The following ADCY8 variants were observed in gnomAD, a reference collection of about 807,000 sequenced individuals.
ADCY8 encodes adenylate cyclase 8, also known as adenylate cyclase type 8.
A neutral mutation model predicts 119.7 loss-of-function variants in ADCY8; 51 were observed. The ratio of observed to expected loss-of-function variants is 0.43; its 90% CI spans 0.34 to 0.54. The LOEUF (loss-of-function observed/expected upper bound fraction) is 0.54. Ranked by LOEUF, ADCY8 falls within the 20% of genes least tolerant of loss-of-function variation. The probability of loss-of-function intolerance (pLI) is 0.03; values close to 1 mark genes in which losing one functional copy is unlikely to be tolerated. For missense variants in ADCY8, 1,383 were observed against 1,598.8 expected (o/e 0.87, Z 2.30); for synonymous variants, 665 against 651.0 (o/e 1.02, Z -0.33).
chr8:130,818,145 A>T (rs1299398323), intron 13 of ADCY8, among the ~76,000 whole-genome samples: 4 of 152,254 alleles, frequency 2.6e-5, no homozygotes, highest in Non-Finnish European at 5.9e-5. Flanking sequence ...AACTGTAAGA[A>T]ATGACAGCCC....
At chr8:130,982,462 A>G (rs549003284) in intron 2 of ADCY8, among the ~76,000 whole-genome samples, 5 of 152,336 alleles carry the variant, frequency 3.3e-5, no homozygotes, top group Non-Finnish European at 7.3e-5. Context: ...AGAATTCTTT[A>G]CAGCTGAAAT....
At chr8:130,985,577 G>T (rs1004239586) in intron 2 of ADCY8, among the ~76,000 whole-genome samples, 2 of 152,190 alleles carry the variant, frequency 1.3e-5, no homozygotes, top group Non-Finnish European at 2.9e-5. Flanking sequence ...GACCCATCTA[G>T]TTGGAGCAGA....
intron 8 of ADCY8, among the ~76,000 whole-genome samples, chr8:130,875,685 A>T (rs1041853942): frequency 7.2e-5 from 11 of 152,302 alleles, no homozygotes; most frequent in Non-Finnish European, 1.2e-4. Context: ...AGTTGATGGG[A>T]TGAAGTAAGA....
intron 2 of ADCY8, among the ~76,000 whole-genome samples, chr8:130,954,248 A>C (rs889339017): frequency 3.9e-5 from 6 of 152,248 alleles, no homozygotes; most frequent in Non-Finnish European, 7.3e-5. Context: ...TAGGAAGAGA[A>C]TGGCACAGGA....
chr8:131,029,425 T>C (rs975657545), intron 1 of ADCY8, among the ~76,000 whole-genome samples: 4 of 152,108 alleles, frequency 2.6e-5, no homozygotes, highest in African/African-American at 9.7e-5. Context: ...GCCAAAAAGG[T>C]TGGGGACTGC....
chr8:130,887,320 G>C (rs1266732782), intron 7 of ADCY8, among the ~76,000 whole-genome samples: 2 of 152,110 alleles, frequency 1.3e-5, no homozygotes, highest in African/African-American at 4.8e-5. Context: ...TGTCTATGTG[G>C]TTGCTTCAAA....
At position 131,039,387 on chromosome 8, in the gene ADCY8, A is replaced by C. The variant is rs774306570; in HGVS notation, c.947T>G (p.Ile316Ser). Reference protein sequence around the residue: ...LQVVIPRLAVISINQVVAQAV... With the variant: ...LQVVIPRLAVSSINQVVAQAV... Reference sequence around the variant, plus strand: ...GGCAGGAGTTACCTGGTTGATGGAAATGACCGCCAGCCGGGGTATGACCAC... The same window carrying C: ...GGCAGGAGTTACCTGGTTGATGGAACTGACCGCCAGCCGGGGTATGACCAC... Residue 316 changes from isoleucine (I) to serine (S), a missense_variant, in exon 1 of 18, where the codon ATT becomes AGT. Ile to Ser is a moderately radical substitution (Grantham distance 142). Around this residue, in one of 2 missense-constraint regions of ADCY8, gnomAD observed 455 missense variants for 435.3 expected, o/e 1.05. Transcript: ENST00000286355. The C allele has an allele frequency of 6.2e-7, 1 of 1,612,698 alleles. No homozygotes were observed. Among genetic ancestry groups the C allele is most frequent in the Non-Finnish European group, 8.5e-7 (1 of 1,178,860 alleles).
chr8:130,980,263 G>T (rs1355709157), intron 2 of ADCY8, among the ~76,000 whole-genome samples: 3 of 152,154 alleles, frequency 2.0e-5, no homozygotes, highest in Non-Finnish European at 4.4e-5. Flanking sequence ...GAATAAATCT[G>T]TAAAGATCCT....
intron 3 of ADCY8, among the ~76,000 whole-genome samples, chr8:130,947,576 C>T (rs1373071435): frequency 6.6e-6 from 1 of 152,170 alleles, no homozygotes; most frequent in Non-Finnish European, 1.5e-5. Context: ...GTCTACAGGA[C>T]AGATGTAGTG....
At chr8:131,017,205 G>T (rs970454066) in intron 1 of ADCY8, among the ~76,000 whole-genome samples, 1 of 152,082 alleles carries the variant, frequency 6.6e-6, no homozygotes, top group African/African-American at 2.4e-5. Context: ...TAGTAGCTGG[G>T]ACTACAGGCA....
At chr8:130,998,426 G>A (rs956276443) in intron 1 of ADCY8, among the ~76,000 whole-genome samples, 1 of 152,114 alleles carries the variant, frequency 6.6e-6, no homozygotes, top group African/African-American at 2.4e-5. Flanking sequence ...CCCAGCATGC[G>A]GCCCACTGTG....
intron 13 of ADCY8, among the ~76,000 whole-genome samples, chr8:130,818,426 C>T (rs982102841): frequency 1.3e-5 from 2 of 152,176 alleles, no homozygotes; most frequent in African/African-American, 2.4e-5. Flanking sequence ...GTGGGAGGCA[C>T]CCAGTTGTTT....
At chr8:130,939,088 G>A (rs1303416686) in intron 4 of ADCY8, among the ~76,000 whole-genome samples, 1 of 144,272 alleles carries the variant, frequency 6.9e-6, no homozygotes, top group African/African-American at 2.8e-5. Context: ...GATGTTGTAG[G>A]GTACATTTTT....
intron 1 of ADCY8, among the ~76,000 whole-genome samples, chr8:131,008,922 C>T (rs541554017): frequency 6.6e-6 from 1 of 152,266 alleles, no homozygotes; most frequent in East Asian, 1.9e-4. Context: ...CATTTTGCCC[C>T]TGCCCTAGAG....
intron 15 of ADCY8, among the ~76,000 whole-genome samples, chr8:130,791,504 C>G (rs1254582608): frequency 6.6e-6 from 1 of 152,262 alleles, no homozygotes; most frequent in Non-Finnish European, 1.5e-5. Context: ...CTAGCTCTAG[C>G]CTTCCTCTTA....
At chr8:130,964,929 G>A (rs1051566589) in intron 2 of ADCY8, among the ~76,000 whole-genome samples, 1 of 152,146 alleles carries the variant, frequency 6.6e-6, no homozygotes, top group Admixed American at 6.5e-5. Context: ...GATTAGTGAT[G>A]CTGAGCATTT....
Position 130,884,555 on chromosome 8 carries a change from C to A in ADCY8, c.2109+9G>T, listed in dbSNP as rs1051465962. 8.1e-6 allele frequency: 13 copies of A among 1,613,376 alleles called. No individual in the cohort carries two copies. Among genetic ancestry groups the A allele is most frequent in the Non-Finnish European group, 1.1e-5 (13 of 1,179,732 alleles). On this transcript the variant is annotated intron_variant, in intron 8 of 17. Transcript: ENST00000286355. ...CAGAAAAAGAGCCGCTGTGGAGACCCAGCTCTACCTTGTGCTCCAGGCTGG... is the reference window on the plus strand; with the variant it reads ...CAGAAAAAGAGCCGCTGTGGAGACCAAGCTCTACCTTGTGCTCCAGGCTGG...
At chr8:130,865,182 A>G (rs1056552854) in intron 9 of ADCY8, among the ~76,000 whole-genome samples, 2 of 152,100 alleles carry the variant, frequency 1.3e-5, no homozygotes, top group Non-Finnish European at 2.9e-5. Flanking sequence ...TTGGTGTGAC[A>G]TTAAGGTGTG....
intron 8 of ADCY8, among the ~76,000 whole-genome samples, chr8:130,880,722 C>A (rs1818738845): frequency 6.6e-6 from 1 of 152,182 alleles, no homozygotes; most frequent in Admixed American, 6.5e-5. Context: ...GAGGCCCAAG[C>A]CTTGGGTCAC....
Sources: gnomAD v4.1 joint callset for allele counts (sites outside exome capture counted in the v4.1 genomes callset) on GRCh38, gnomAD v4.1.1 for gene constraint, gnomAD v4.1.1 regional missense constraint, MANE v1.5 for transcripts, NCBI Gene and HGNC (gene_info 2026-07-23, HGNC 2026-07-21) for gene names.